The following STOX2 variants were observed in gnomAD, a reference collection of about 807,000 sequenced individuals.
STOX2 encodes the protein storkhead box 2, also known as storkhead-box protein 2.
Under a neutral mutation model 60.9 loss-of-function variants are expected in STOX2, and 28 were observed. The observed-to-expected ratio is 0.46, with a 90% confidence interval of 0.34 to 0.63. The LOEUF (loss-of-function observed/expected upper bound fraction) is 0.63. STOX2 is among the 30% of genes least tolerant of loss of function. STOX2 has a pLI of 0.01. For missense variants in STOX2, 1,024 were observed against 1,187.7 expected (o/e 0.86, Z 2.03); for synonymous variants, 472 against 463.9 (o/e 1.02, Z -0.22).
chr4:183,863,497 ACT>A (rs1457729490), intron 1 of STOX2, among the ~76,000 whole-genome samples: 32 of 152,116 alleles, frequency 2.1e-4, no homozygotes, highest in Non-Finnish European at 3.5e-4. Context: ...TAGAATGAAG[ACT>A]CTGGATGAAT....
At chr4:183,948,405 G>A (rs6852519) in intron 1 of STOX2, among the ~76,000 whole-genome samples, 133,539 of 151,534 alleles carry the variant, frequency 0.88, 60,889 homozygotes, top group East Asian at 0.99. Context: ...ATGTTTTCCA[G>A]TAGCTCCATA....
chr4:183,952,531 G>A (rs2111148555), intron 1 of STOX2, among the ~76,000 whole-genome samples: 1 of 152,250 alleles, frequency 6.6e-6, no homozygotes, highest in East Asian at 1.9e-4. Flanking sequence ...TTTAAAAATT[G>A]TCCAAATAAT....
intron 1 of STOX2, among the ~76,000 whole-genome samples, chr4:183,997,699 G>A (rs17090673): frequency 0.25 from 38,518 of 152,092 alleles, 5,813 homozygotes; most frequent in Non-Finnish European, 0.33. Context: ...TTGCTGATGG[G>A]ATTGGGGATG....
chr4:183,921,982 G>A (rs1205591160), intron 1 of STOX2, among the ~76,000 whole-genome samples: 2 of 152,078 alleles, frequency 1.3e-5, no homozygotes, highest in Non-Finnish European at 2.9e-5. Flanking sequence ...AATGAAAAAG[G>A]TCAAACACTT....
chr4:183,876,873 T>G (rs13134353), intron 1 of STOX2, among the ~76,000 whole-genome samples: 42,548 of 152,042 alleles, frequency 0.28, 6,532 homozygotes, highest in South Asian at 0.35. Flanking sequence ...CCATTGTGAG[T>G]GCGAATGGAG....
rs552917381 is a variant in STOX2 at position 183,818,754 on chromosome 4, G to A, written c.364+20699G>A. On this transcript the variant is annotated intron_variant, in intron 1 of 2. Transcript: ENST00000513034. Reference sequence around the variant, plus strand: ...TCCCCACCTCCCTCCTGGACAGGGCGGCTGCTGGGCGGAGACGCTCCCCAC... The same window carrying A: ...TCCCCACCTCCCTCCTGGACAGGGCAGCTGCTGGGCGGAGACGCTCCCCAC... 9.9e-5 allele frequency among the ~76,000 whole-genome samples: 15 copies of A among 151,580 alleles called. 1 individual carries two copies. The highest frequency in any genetic ancestry group is 7.2e-4 in the Admixed American group (11 of 15,262).
intron 1 of STOX2, among the ~76,000 whole-genome samples, chr4:183,812,353 A>G (rs1739054271): frequency 6.6e-6 from 1 of 152,228 alleles, no homozygotes. Context: ...TTTACTTTAA[A>G]TGTACTCAAA....
intron 1 of STOX2, among the ~76,000 whole-genome samples, chr4:183,852,457 C>G (rs368153504): frequency 0.056 from 197 of 3,516 alleles, 21 homozygotes; most frequent in Admixed American, 0.078. Flanking sequence ...TTGAGAGAAA[C>G]GATGAGGGAA....
chr4:183,887,321 G>A (rs1741107272), intron 1 of STOX2, among the ~76,000 whole-genome samples: 1 of 152,018 alleles, frequency 6.6e-6, no homozygotes, highest in African/African-American at 2.4e-5. Flanking sequence ...ATAGCTAAGA[G>A]GACAACCATT....
At chr4:183,877,759 C>T (rs1740865315) in intron 1 of STOX2, among the ~76,000 whole-genome samples, 2 of 152,208 alleles carry the variant, frequency 1.3e-5, no homozygotes, top group African/African-American at 4.8e-5. Flanking sequence ...TGGCTTACTG[C>T]AACCTCTACC....
At chr4:183,927,667 A>C (rs1742283847) in intron 1 of STOX2, among the ~76,000 whole-genome samples, 1 of 152,174 alleles carries the variant, frequency 6.6e-6, no homozygotes, top group African/African-American at 2.4e-5. Context: ...AGGACCCATT[A>C]GGACTTAATG....
At chr4:183,973,679 A>G (rs940841536) in intron 1 of STOX2, among the ~76,000 whole-genome samples, 2 of 152,178 alleles carry the variant, frequency 1.3e-5, no homozygotes, top group African/African-American at 4.8e-5. Flanking sequence ...AGTAAATATA[A>G]TTATTCTCTT....
chr4:183,989,003 C>A (rs1397219715), intron 1 of STOX2, among the ~76,000 whole-genome samples: 1 of 152,170 alleles, frequency 6.6e-6, no homozygotes, highest in African/African-American at 2.4e-5. Context: ...ACGACCTCAC[C>A]AGCCCAGGTC....
chr4:183,943,217 G>A (rs1416415067), intron 1 of STOX2, among the ~76,000 whole-genome samples: 1 of 152,168 alleles, frequency 6.6e-6, no homozygotes, highest in African/African-American at 2.4e-5. Flanking sequence ...TGGCAATCCA[G>A]GAATACTCTC....
At chr4:183,838,590 T>C (rs1210521034) in intron 1 of STOX2, among the ~76,000 whole-genome samples, 1 of 152,236 alleles carries the variant, frequency 6.6e-6, no homozygotes, top group Admixed American at 6.5e-5. Context: ...TTATCACAAA[T>C]GGCCGATTAC....
chr4:184,023,457 T>C lies in STOX2; in HGVS notation c.*6173T>C, dbSNP rs528373838. On this transcript the variant is annotated 3_prime_UTR_variant, in exon 4 of 4. Transcript: ENST00000308497. ...GGTGATACTGTGTTCATGTTGTTTATGTAGTGTTGTGTGAAATATCCATTT... is the reference window on the plus strand; with the variant it reads ...GGTGATACTGTGTTCATGTTGTTTACGTAGTGTTGTGTGAAATATCCATTT... 59 of 152,338 alleles carry C rather than the reference T, an allele frequency of 3.9e-4. No homozygotes were observed. Among genetic ancestry groups the C allele is most frequent in the African/African-American group, 1.3e-3 (53 of 41,584 alleles). 9.4% of individuals were successfully genotyped at this position (152,338 alleles called of 1,614,324 possible).
chr4:183,872,650 C>G (rs536577942), intron 1 of STOX2, among the ~76,000 whole-genome samples: 17 of 152,268 alleles, frequency 1.1e-4, no homozygotes, highest in African/African-American at 4.1e-4. Context: ...GGGTGTGTGG[C>G]AAGCTCAGAA....
chr4:184,003,575 C>CG (rs1733684633), intron 2 of STOX2, among the ~76,000 whole-genome samples: 1 of 152,198 alleles, frequency 6.6e-6, no homozygotes, highest in African/African-American at 2.4e-5. Context: ...CCAGGTCTAG[C>CG]GCAGGAGTTT....
At chr4:183,951,076 C>G (rs1020274017) in intron 1 of STOX2, among the ~76,000 whole-genome samples, 6 of 151,844 alleles carry the variant, frequency 4.0e-5, no homozygotes, top group South Asian at 4.2e-4. Flanking sequence ...ATTAGCCGGG[C>G]GTGGTGGCGG....
Sources: gnomAD v4.1 joint callset for allele counts (sites outside exome capture counted in the v4.1 genomes callset) on GRCh38, gnomAD v4.1.1 for gene constraint, MANE v1.5 for transcripts, NCBI Gene and HGNC (gene_info 2026-07-23, HGNC 2026-07-21) for gene names.